Variants in CTSZ observed in about 807,000 individuals in gnomAD.
The protein encoded by CTSZ is carboxypeptidase LB.
A neutral mutation model predicts 32.4 loss-of-function variants in CTSZ; 39 were observed. The ratio of observed to expected loss-of-function variants is 1.20; its 90% CI spans 0.93 to 1.57. The LOEUF (loss-of-function observed/expected upper bound fraction) is 1.57, where lower values mean the gene tolerates loss of function less well. CTSZ is among the 40% of genes most tolerant of loss of function. CTSZ has a pLI of 0.00. For synonymous variants in CTSZ, 168 were observed against 170.1 expected, an observed-to-expected ratio of 0.99 and a Z score of 0.10; for missense variants, 397 against 419.6, an observed-to-expected ratio of 0.95 and a Z score of 0.47.
rs1020091327 is a variant in CTSZ at position 59,004,001 on chromosome 20, G to A, written c.307+2321C>T. Among the ~76,000 whole-genome samples, 2 of 152,192 alleles carry A rather than the reference G, an allele frequency of 1.3e-5. No homozygotes were observed. The highest frequency in any genetic ancestry group is 2.9e-5 in the Non-Finnish European group (2 of 68,030). On this transcript the variant is annotated intron_variant, in intron 2 of 5. Coordinates refer to ENST00000217131, the MANE Select transcript of CTSZ (RefSeq NM_001336.4). The surrounding 1 kb of genome is among the most constrained non-coding windows in gnomAD (Gnocchi z 5.6). ...GGTGTGGCTTAGACCTGGAGGAGGCGGTGGGCGGTGCGTGATTTCTGCATC... is the reference window on the plus strand; with the variant it reads ...GGTGTGGCTTAGACCTGGAGGAGGCAGTGGGCGGTGCGTGATTTCTGCATC...
chr20:58,997,753 T>G lies in CTSZ; in HGVS notation c.488A>C (p.Glu163Ala). 1 of 1,593,820 alleles carries G rather than the reference T, an allele frequency of 6.3e-7. No individual in the cohort carries two copies. The highest frequency in any genetic ancestry group is 8.5e-7 in the Non-Finnish European group (1 of 1,170,672). ...TCNNYQAKDQ[E>A]CDKFNQCGTC... ...CCCACATTGGTTAAACTTGTCACAC[T>G]CTGGGGGAGAGCAAGAAAAGTCAGC... The change falls in exon 4 of 6, where the codon GAG becomes GCG. Residue 163 changes from glutamate (E) to alanine (A), a missense_variant and splice_region_variant. Coordinates refer to ENST00000217131, the MANE Select transcript of CTSZ (RefSeq NM_001336.4).
chr20:58,997,532 G>T, intron 4 of CTSZ, 71 bp downstream of exon 4: 2 of 1,419,358 alleles, frequency 1.4e-6, no homozygotes, highest in Non-Finnish European at 9.3e-7. Flanking sequence ...CCTCACCCGC[G>T]GGACCTTTCC....
At position 58,996,461 on chromosome 20, in the gene CTSZ, C is replaced by T. The variant is rs1315978848; in HGVS notation, c.801+178G>A. 2.0e-5 allele frequency: 13 copies of T among 656,922 alleles called. No homozygotes were observed. In the East Asian group the frequency reaches 2.6e-4, roughly 13 times the overall value. 40.7% of individuals were successfully genotyped at this position (656,922 alleles called of 1,614,324 possible). A position where few individuals can be genotyped will look rare whatever the true frequency, so the allele number is the denominator to read the frequency against. The stretch of plus-strand genomic sequence containing the variant: ...AGTGCACAGGATGGCGGCAGCCGCG[C>T]ATGTCAGAGAAGGGTCTGGCCCCAA... On this transcript the variant is annotated intron_variant, in intron 5 of 5. Transcript: ENST00000217131.
intron 2 of CTSZ, among the ~76,000 whole-genome samples, chr20:59,001,852 T>G (rs529621823): frequency 6.6e-6 from 1 of 152,358 alleles, no homozygotes; most frequent in African/African-American, 2.4e-5. Context: ...TCTCCTGGCC[T>G]TCTTTGGGCA....
intron 3 of CTSZ, among the ~76,000 whole-genome samples, chr20:58,997,987 T>A (rs569082627): frequency 6.6e-6 from 1 of 152,322 alleles, no homozygotes; most frequent in African/African-American, 2.4e-5. Flanking sequence ...AGACATTAAT[T>A]AGCACATAGT....
intron 3 of CTSZ, 46 bp from the exon 4 acceptor site, chr20:58,997,799 A>T: frequency 6.6e-7 from 1 of 1,516,652 alleles, no homozygotes; most frequent in South Asian, 1.3e-5. Flanking sequence ...CTCCTCATCA[A>T]CCCACTGACA....
intron 2 of CTSZ, 120 bp from the exon 3 acceptor site, chr20:59,001,764 C>T: frequency 1.0e-6 from 1 of 972,778 alleles, no homozygotes; most frequent in Non-Finnish European, 1.5e-6. Flanking sequence ...TTCAGCTCTG[C>T]CCAGCTGCCT....
rs559566484 is a variant in CTSZ at position 59,002,677 on chromosome 20, C to T, written c.308-1033G>A. ...AACTGTCCCTGCTCTGGTGACTTCA[C>T]GCATCACTGAAAAGTCCCAAAGCAG... On this transcript the variant is annotated intron_variant, in intron 2 of 5. Transcript: ENST00000217131. This position sits in a 1 kb window ranked among gnomAD's most constrained non-coding sequence, Gnocchi z 4.1. Among the ~76,000 whole-genome samples the T allele has an allele frequency of 5.3e-5, 8 of 152,162 alleles. No homozygotes were observed. Among genetic ancestry groups the T allele is most frequent in the Admixed American group, 2.6e-4 (4 of 15,282 alleles).
chr20:59,006,846 A>C, intron 1 of CTSZ, 140 bp downstream of exon 1: 1 of 735,108 alleles, frequency 1.4e-6, no homozygotes, highest in Non-Finnish European at 2.0e-6. Context: ...GAAGAGAAGG[A>C]GCGACCCCCA....
Position 59,007,197 on chromosome 20 carries a change from GCTCTGGATCCC to G in CTSZ, c.-80_-70del. 7.8e-7 allele frequency: 1 copy of G among 1,281,604 alleles called. No homozygotes were observed. The highest frequency in any genetic ancestry group is 9.8e-7 in the Non-Finnish European group (1 of 1,021,980). The allele number at this position is 1,281,604 out of a possible 1,614,324, so 79.4% of individuals were successfully genotyped here. On this transcript the variant is annotated 5_prime_UTR_variant, in exon 1 of 6. Coordinates refer to ENST00000217131, the MANE Select transcript of CTSZ (RefSeq NM_001336.4). ...AGTCCCAGATCCCGCGCCGGCTCCC[GCTCTGGATCCC>G]GCCCCGGCCTCGGCCTCGGCCCAGC...
In CTSZ at chr20:59,007,225, C is replaced by CGGCCCT. The variant is rs2091913313; in HGVS notation, c.-98_-97insAGGGCC. The CGGCCCT allele has an allele frequency of 1.7e-6, 2 of 1,184,530 alleles. No homozygotes were observed. Among genetic ancestry groups the CGGCCCT allele is most frequent in the South Asian group, 5.9e-5 (2 of 33,936 alleles). The allele number at this position is 1,184,530 out of a possible 1,614,324, so 73.4% of individuals were successfully genotyped here. On this transcript the variant is annotated 5_prime_UTR_variant, in exon 1 of 6. Transcript: ENST00000217131. The stretch of plus-strand genomic sequence containing the variant: ...CTGGATCCCGCCCCGGCCTCGGCCT[C>CGGCCCT]GGCCCAGCACCCGGCCGACCCCGCA...
At chr20:58,996,843 A>G (rs756710210) in intron 4 of CTSZ, 42 bp from the exon 5 acceptor site, 7 of 1,599,348 alleles carry the variant, frequency 4.4e-6, no homozygotes. Flanking sequence ...TTAAATTGAG[A>G]GAATTTACCG....
At chr20:58,995,858 C>A (rs764585799) in intron 5 of CTSZ, 99 bp from the exon 6 acceptor site, 8 of 1,052,254 alleles carry the variant, frequency 7.6e-6, no homozygotes, top group African/African-American at 3.1e-5. Flanking sequence ...CTCCATCTCT[C>A]AGGCCAGCCT....
intron 5 of CTSZ, 116 bp downstream of exon 5, chr20:58,996,523 G>A: frequency 9.0e-7 from 1 of 1,110,484 alleles, no homozygotes. Flanking sequence ...GCTGGAGCAA[G>A]GAACCCTCTG....
chr20:59,002,019 C>T lies in CTSZ; in HGVS notation c.308-375G>A, dbSNP rs1396565409. On this transcript the variant is annotated intron_variant, in intron 2 of 5. Transcript: ENST00000217131. This position sits in a 1 kb window ranked among gnomAD's most constrained non-coding sequence, Gnocchi z 4.1. ...AGCCACCCATGGCAAGTGGGCCACA[C>T]CCCAAAGCCAGCCAGGAGAGACCGT... Among the ~76,000 whole-genome samples, 1 of 152,262 alleles carries T rather than the reference C, an allele frequency of 6.6e-6. No homozygotes were observed. Among genetic ancestry groups the T allele is most frequent in the Non-Finnish European group, 1.5e-5 (1 of 68,044 alleles).
In CTSZ at chr20:58,999,727, C is replaced by G. The variant is rs113100428; in HGVS notation, c.487+1738G>C. On this transcript the variant is annotated intron_variant, in intron 3 of 5. Transcript: ENST00000217131. The stretch of plus-strand genomic sequence containing the variant: ...CAAAGCAAGCAGCTGCTGGGCTTTC[C>G]CAGCTCTCTGCTCTGGCTGTGAGGG... Among the ~76,000 whole-genome samples the G allele has an allele frequency of 3.3e-5, 5 of 152,314 alleles. 1 individual carries two copies. Among genetic ancestry groups the G allele is most frequent in the African/African-American group, 1.2e-4 (5 of 41,572 alleles).
rs755739242 is a variant in CTSZ at position 59,001,580 on chromosome 20, G to A, written c.372C>T (p.Ile124=). The part of the protein sequence containing the change: ...PSTLLSVQNV[I]DCGNAGSCEG... ...CACAGGAGCCAGCGTTACCGCAGTC[G>A]ATGACGTTCTGCACGGACAGGAGGG... The change falls in exon 3 of 6, where the codon ATC becomes ATT. Residue 124 remains isoleucine (I), a synonymous_variant. Transcript: ENST00000217131. 12 of 1,614,084 alleles carry A rather than the reference G, an allele frequency of 7.4e-6. No individual in the cohort carries two copies. The highest frequency in any genetic ancestry group is 2.2e-5 in the East Asian group (1 of 44,890).
intron 3 of CTSZ, among the ~76,000 whole-genome samples, chr20:58,999,119 T>A (rs1260021898): frequency 6.6e-6 from 1 of 152,148 alleles, no homozygotes; most frequent in Non-Finnish European, 1.5e-5. Flanking sequence ...CACTGCAACT[T>A]CTGCCTCCTG....
Position 59,002,351 on chromosome 20 carries a change from G to A in CTSZ, c.308-707C>T, listed in dbSNP as rs546522480. On this transcript the variant is annotated intron_variant, in intron 2 of 5. Coordinates refer to ENST00000217131, the MANE Select transcript of CTSZ (RefSeq NM_001336.4). This position sits in a 1 kb window ranked among gnomAD's most constrained non-coding sequence, Gnocchi z 4.1. Reference sequence around the variant, plus strand: ...TAAAACAGATCCTAGAAGGAAATCCGGGCCCATGTTCAGGGTCATCTCACT... The same window carrying A: ...TAAAACAGATCCTAGAAGGAAATCCAGGCCCATGTTCAGGGTCATCTCACT... 6.6e-5 allele frequency among the ~76,000 whole-genome samples: 10 copies of A among 152,214 alleles called. No individual in the cohort carries two copies. The highest frequency in any genetic ancestry group is 1.3e-4 in the Admixed American group (2 of 15,298).
Sources: gnomAD v4.1 joint callset for allele counts (sites outside exome capture counted in the v4.1 genomes callset) on GRCh38, gnomAD v4.1.1 for gene constraint, Gnocchi (gnomAD v3.1) non-coding constraint, MANE v1.5 for transcripts, NCBI Gene and HGNC (gene_info 2026-07-23, HGNC 2026-07-21) for gene names.